VAV3: variants seen among roughly 807,000 people sequenced by gnomAD.
VAV3 encodes the protein vav guanine nucleotide exchange factor 3, also known as guanine nucleotide exchange factor VAV3.
A neutral mutation model predicts 131.2 loss-of-function variants in VAV3; 94 were observed. The ratio of observed to expected loss-of-function variants is 0.72; its 90% CI spans 0.61 to 0.85. The LOEUF is 0.85. Among genes scored for constraint, VAV3 ranks in the 40% least tolerant of loss-of-function variants. VAV3 has a pLI of 0.00. For missense variants in VAV3, 939 were observed against 1,002.7 expected (o/e 0.94, Z 0.86); for synonymous variants, 349 against 342.0 (o/e 1.02, Z -0.22).
At chr1:107,679,572 A>G (rs1658458018) in intron 19 of VAV3, among the ~76,000 whole-genome samples, 2 of 152,178 alleles carry the variant, frequency 1.3e-5, no homozygotes, top group South Asian at 2.1e-4. Context: ...AAAAACATGG[A>G]CCCAGTGAAA....
At chr1:107,843,107 G>A (rs557411265) in intron 2 of VAV3, among the ~76,000 whole-genome samples, 56 of 151,886 alleles carry the variant, frequency 3.7e-4, no homozygotes, top group Admixed American at 2.9e-3. Context: ...CCAATTTATC[G>A]TGAAACCTAT....
At chr1:107,872,662 G>A (rs909867413) in intron 2 of VAV3, among the ~76,000 whole-genome samples, 8 of 152,116 alleles carry the variant, frequency 5.3e-5, no homozygotes, top group African/African-American at 1.2e-4. Flanking sequence ...GGATTGATGC[G>A]CTGATTCCCT....
chr1:107,574,967 G>C lies in VAV3; in HGVS notation c.2351-769C>G, dbSNP rs72703505. Reference sequence around the variant, plus strand: ...TGTGTTCAGAGTTGAGTTTCTCTGTGTGTGTGTGTGTGTGTGTGTGTGTGT... The same window carrying C: ...TGTGTTCAGAGTTGAGTTTCTCTGTCTGTGTGTGTGTGTGTGTGTGTGTGT... On this transcript the variant is annotated intron_variant, in intron 25 of 26. Transcript: ENST00000370056. 5.6e-3 allele frequency among the ~76,000 whole-genome samples: 135 copies of C among 24,072 alleles called. 2 individuals carry two copies. Among genetic ancestry groups the C allele is most frequent in the South Asian group, 0.023 (12 of 522 alleles). 15.8% of individuals were successfully genotyped at this position (24,072 alleles called of 152,430 possible). A position where few individuals can be genotyped will look rare whatever the true frequency, so the allele number is the denominator to read the frequency against.
chr1:107,601,914 A>G (rs1014143928), intron 24 of VAV3, among the ~76,000 whole-genome samples: 5 of 152,200 alleles, frequency 3.3e-5, no homozygotes, highest in Non-Finnish European at 1.5e-5. Flanking sequence ...TAATTATCTA[A>G]GGTAATGAAT....
intron 15 of VAV3, among the ~76,000 whole-genome samples, chr1:107,728,630 T>TGTATAC (rs1553196148): frequency 7.0e-6 from 1 of 143,002 alleles, no homozygotes; most frequent in Non-Finnish European, 1.5e-5. Flanking sequence ...TATATGTATA[T>TGTATAC]GTATATGTAT....
chr1:107,690,328 G>A (rs1433329950), intron 17 of VAV3, among the ~76,000 whole-genome samples: 1 of 152,104 alleles, frequency 6.6e-6, no homozygotes, highest in Admixed American at 6.6e-5. Context: ...GGAAACAATG[G>A]TATTTACGGT....
At chr1:107,580,420 A>AT (rs1020319970) in intron 25 of VAV3, among the ~76,000 whole-genome samples, 101 of 150,562 alleles carry the variant, frequency 6.7e-4, no homozygotes, top group Admixed American at 7.3e-4. Context: ...AATAACTATT[A>AT]TTTTTTTTTT....
At chr1:107,615,030 A>G (rs918635927) in intron 21 of VAV3, among the ~76,000 whole-genome samples, 6 of 152,198 alleles carry the variant, frequency 3.9e-5, no homozygotes, top group African/African-American at 1.4e-4. Context: ...TAGATAGAGA[A>G]TCATTTTAGC....
In VAV3 at chr1:107,629,403, G is replaced by A. The variant is rs964221121; in HGVS notation, c.1915-11771C>T. Reference sequence around the variant, plus strand: ...GAAGGATATTCTCAGGAGTTACTAAGACTTTTTTATCACATATTGCAACAA... The same window carrying A: ...GAAGGATATTCTCAGGAGTTACTAAAACTTTTTTATCACATATTGCAACAA... On this transcript the variant is annotated intron_variant, in intron 20 of 26. Coordinates refer to ENST00000370056, the MANE Select transcript of VAV3 (RefSeq NM_006113.5). Among the ~76,000 whole-genome samples the A allele has an allele frequency of 4.0e-4, 61 of 152,104 alleles. 1 individual carries two copies. The highest frequency in any genetic ancestry group is 1.5e-4 in the Non-Finnish European group (10 of 68,016).
chr1:107,578,736 G>C, intron 25 of VAV3: 1 of 983,958 alleles, frequency 1.0e-6, no homozygotes, highest in Non-Finnish European at 1.2e-6. Flanking sequence ...AGCCTCCCGA[G>C]TAGCTGGGAC....
chr1:107,838,789 C>T (rs2100914736), intron 2 of VAV3, among the ~76,000 whole-genome samples: 1 of 152,264 alleles, frequency 6.6e-6, no homozygotes, highest in East Asian at 1.9e-4. Flanking sequence ...AAAATCATGT[C>T]CTTTGCAGCA....
chr1:107,964,623 G>A (rs767461055), intron 1 of VAV3, 43 bp downstream of exon 1: 5 of 1,591,770 alleles, frequency 3.1e-6, no homozygotes, highest in Admixed American at 1.7e-5. Context: ...TGATTAATGG[G>A]AGCTGCCGGC....
intron 3 of VAV3, among the ~76,000 whole-genome samples, chr1:107,777,975 T>C (rs1376016704): frequency 6.6e-6 from 1 of 152,200 alleles, no homozygotes; most frequent in East Asian, 1.9e-4. Context: ...TCCCACTGTG[T>C]GGCTTCCTTG....
chr1:107,597,311 T>C (rs761960404), intron 24 of VAV3, among the ~76,000 whole-genome samples: 1 of 151,624 alleles, frequency 6.6e-6, no homozygotes, highest in African/African-American at 2.4e-5. Context: ...TCAGTGGTTA[T>C]GTTCAAAGTT....
At chr1:107,715,144 G>T (rs138955500) in intron 15 of VAV3, among the ~76,000 whole-genome samples, 124 of 152,070 alleles carry the variant, frequency 8.2e-4, no homozygotes, top group African/African-American at 2.9e-3. Context: ...AACTATACCT[G>T]CCCTTCCTAC....
intron 2 of VAV3, among the ~76,000 whole-genome samples, chr1:107,830,254 G>A (rs1419969120): frequency 1.3e-5 from 2 of 151,150 alleles, no homozygotes; most frequent in Non-Finnish European, 2.9e-5. Context: ...CCAGGGTGGA[G>A]GGCAGTGATG....
intron 1 of VAV3, among the ~76,000 whole-genome samples, chr1:107,891,529 G>A (rs1198261578): frequency 1.3e-5 from 2 of 152,038 alleles, no homozygotes; most frequent in Non-Finnish European, 2.9e-5. Context: ...AGGTAACTTA[G>A]TGTAGTCATT....
chr1:107,606,505 T>C (rs1183257303), intron 22 of VAV3, among the ~76,000 whole-genome samples: 1 of 152,192 alleles, frequency 6.6e-6, no homozygotes, highest in Non-Finnish European at 1.5e-5. Context: ...ATTTCTTTGA[T>C]AATTGCTGCC....
At chr1:107,840,205 A>G (rs9787296) in intron 2 of VAV3, among the ~76,000 whole-genome samples, 12,709 of 152,208 alleles carry the variant, frequency 0.083, 744 homozygotes, top group East Asian at 0.24. Context: ...TGTAAATGTA[A>G]TGTTGTAAAT....
Sources: allele counts gnomAD v4.1 joint callset (sites outside exome capture counted in the v4.1 genomes callset), GRCh38; gene constraint gnomAD v4.1.1; transcripts MANE v1.5; gene names NCBI Gene and HGNC (gene_info 2026-07-23, HGNC 2026-07-21).